TEC: variants seen among roughly 807,000 people sequenced by gnomAD.
The protein encoded by TEC is tyrosine-protein kinase Tec.
TEC carries 72 observed loss-of-function variants against 93.0 expected under a neutral mutation model. That is an observed-to-expected ratio of 0.77 (90% confidence interval 0.64 to 0.94). TEC has a LOEUF of 0.94. Ranked by LOEUF, TEC falls within the 40% of genes least tolerant of loss-of-function variation. The probability of loss-of-function intolerance (pLI) is 0.00; values close to 1 mark genes in which losing one functional copy is unlikely to be tolerated. For synonymous variants in TEC, 249 were observed against 247.7 expected (o/e 1.01, Z -0.05); for missense variants, 630 against 757.9 (o/e 0.83, Z 1.98).
Position 48,236,375 on chromosome 4 carries a change from G to A in TEC, c.-45-7716C>T, listed in dbSNP as rs1233982782. Among the ~76,000 whole-genome samples, 3 of 151,590 alleles carry A rather than the reference G, an allele frequency of 2.0e-5. No homozygotes were observed. The East Asian group carries it at 5.8e-4, about 29-fold the overall frequency. ...CGGCTCATGGCAAGCTCCACCTCCC[G>A]GGTTCACGCCATTCTCCTGCCTCAG... On this transcript the variant is annotated intron_variant, in intron 1 of 17. Coordinates refer to ENST00000381501, the MANE Select transcript of TEC (RefSeq NM_003215.3).
chr4:48,152,216 G>A (rs1720201229), intron 9 of TEC, among the ~76,000 whole-genome samples: 2 of 151,982 alleles, frequency 1.3e-5, no homozygotes, highest in African/African-American at 4.8e-5. Flanking sequence ...AGTTGAGGTC[G>A]TGAGTTTAAG....
chr4:48,203,009 G>A (rs980585771), intron 2 of TEC, among the ~76,000 whole-genome samples: 3 of 152,204 alleles, frequency 2.0e-5, no homozygotes, highest in African/African-American at 7.2e-5. Flanking sequence ...AGACAAAGGC[G>A]AGGTGAGTTC....
chr4:48,247,171 A>G (rs1407750140), intron 1 of TEC, among the ~76,000 whole-genome samples: 2 of 152,234 alleles, frequency 1.3e-5, no homozygotes, highest in African/African-American at 4.8e-5. Flanking sequence ...ATGGAAATGC[A>G]AATTGAAACG....
intron 2 of TEC, among the ~76,000 whole-genome samples, chr4:48,181,548 C>T (rs1354596345): frequency 6.7e-6 from 1 of 148,180 alleles, no homozygotes; most frequent in Non-Finnish European, 1.5e-5. Context: ...TGGTGCGCAC[C>T]TGTAGTCCCA....
intron 1 of TEC, among the ~76,000 whole-genome samples, chr4:48,237,804 C>T (rs1335979861): frequency 2.6e-5 from 4 of 152,328 alleles, no homozygotes; most frequent in East Asian, 1.9e-4. Context: ...TTTCACATCT[C>T]ATCACAGGTT....
intron 2 of TEC, among the ~76,000 whole-genome samples, chr4:48,211,124 A>G (rs1176792558): frequency 1.3e-5 from 2 of 152,272 alleles, no homozygotes; most frequent in African/African-American, 4.8e-5. Context: ...TAACAGATTT[A>G]GAATTTGAAC....
intron 8 of TEC, among the ~76,000 whole-genome samples, chr4:48,161,620 T>A (rs1222161471): frequency 7.1e-6 from 1 of 141,566 alleles, no homozygotes; most frequent in Non-Finnish European, 1.5e-5. Context: ...TTTTTTTTAA[T>A]ACTTGAGAAC....
intron 8 of TEC, among the ~76,000 whole-genome samples, chr4:48,157,071 C>A (rs142307768): frequency 6.6e-6 from 1 of 152,272 alleles, no homozygotes; most frequent in Non-Finnish European, 1.5e-5. Flanking sequence ...TGATAGTATG[C>A]ATGTGTCATA....
chr4:48,212,420 A>G (rs1340312118), intron 2 of TEC, among the ~76,000 whole-genome samples: 1 of 152,096 alleles, frequency 6.6e-6, no homozygotes, highest in African/African-American at 2.4e-5. Flanking sequence ...TTAACAGTAC[A>G]CTCGCCCGAA....
At chr4:48,210,231 T>C (rs998093175) in intron 2 of TEC, among the ~76,000 whole-genome samples, 1 of 152,048 alleles carries the variant, frequency 6.6e-6, no homozygotes, top group Admixed American at 6.6e-5. Flanking sequence ...GCCTGTAATC[T>C]TGGCACTTTG....
intron 2 of TEC, among the ~76,000 whole-genome samples, chr4:48,202,981 G>C (rs1444438751): frequency 6.6e-6 from 1 of 152,204 alleles, no homozygotes; most frequent in African/African-American, 2.4e-5. Flanking sequence ...CTTCACTTGA[G>C]AACTGAGGGA....
chr4:48,182,490 T>G (rs992661115), intron 2 of TEC, among the ~76,000 whole-genome samples: 4 of 151,478 alleles, frequency 2.6e-5, no homozygotes, highest in African/African-American at 9.7e-5. Context: ...GGATACTAAT[T>G]CAACAGTGTG....
intron 1 of TEC, among the ~76,000 whole-genome samples, chr4:48,242,151 A>G (rs924022268): frequency 6.6e-5 from 10 of 152,210 alleles, no homozygotes; most frequent in Non-Finnish European, 1.3e-4. Context: ...TGAAAATCAA[A>G]TTTACTTATA....
At chr4:48,217,422 C>T (rs894625114) in intron 2 of TEC, among the ~76,000 whole-genome samples, 1 of 152,130 alleles carries the variant, frequency 6.6e-6, no homozygotes, top group African/African-American at 2.4e-5. Context: ...GATTTTTACT[C>T]ATCCTAGTGA....
chr4:48,269,647 G>T (rs1724738245), intron 1 of TEC, 105 bp downstream of exon 1: 1 of 152,286 alleles, frequency 6.6e-6, no homozygotes, highest in Non-Finnish European at 1.5e-5. Flanking sequence ...TTCCTCGAGG[G>T]GCGTGTGGAA....
chr4:48,180,433 G>A (rs1381730371), intron 2 of TEC, among the ~76,000 whole-genome samples: 4 of 152,164 alleles, frequency 2.6e-5, no homozygotes, highest in Non-Finnish European at 2.9e-5. Flanking sequence ...ATGGGTGGAA[G>A]GGGAAGAGGG....
chr4:48,181,891 A>G (rs1411131878), intron 2 of TEC, among the ~76,000 whole-genome samples: 1 of 152,188 alleles, frequency 6.6e-6, no homozygotes, highest in Non-Finnish European at 1.5e-5. Context: ...TTACCGTAGA[A>G]GGAACTCACA....
intron 1 of TEC, among the ~76,000 whole-genome samples, chr4:48,257,745 G>C (rs1724384067): frequency 6.6e-6 from 1 of 152,158 alleles, no homozygotes; most frequent in Non-Finnish European, 1.5e-5. Context: ...GATTTCCTTT[G>C]TGTTATTTAG....
chr4:48,251,531 G>T (rs988760850), intron 1 of TEC, among the ~76,000 whole-genome samples: 3 of 152,060 alleles, frequency 2.0e-5, no homozygotes, highest in African/African-American at 7.2e-5. Context: ...TTTTTCTTGT[G>T]CACTCTCCCC....
Sources: allele counts gnomAD v4.1 joint callset (sites outside exome capture counted in the v4.1 genomes callset), GRCh38; gene constraint gnomAD v4.1.1; transcripts MANE v1.5; gene names NCBI Gene and HGNC (gene_info 2026-07-23, HGNC 2026-07-21).